The following PNLIPRP1 variants were observed in gnomAD, a reference collection of about 807,000 sequenced individuals.
PNLIPRP1 encodes the protein pancreatic lipase related protein 1, also known as inactive pancreatic lipase-related protein 1.
Under a neutral mutation model 54.6 loss-of-function variants are expected in PNLIPRP1, and 57 were observed. That is an observed-to-expected ratio of 1.04 (90% CI 0.84 to 1.30). The LOEUF is 1.30. Ranked by LOEUF, PNLIPRP1 falls within the 50% of genes most tolerant of loss-of-function variation. The pLI, the probability that PNLIPRP1 is intolerant of heterozygous loss-of-function variation, is 0.00. For missense variants in PNLIPRP1, 567 were observed against 568.5 expected, an observed-to-expected ratio of 1.00 and a Z score of 0.03; for synonymous variants, 232 against 208.8, an observed-to-expected ratio of 1.11 and a Z score of -0.96.
intron 3 of PNLIPRP1, 100 bp from the exon 4 acceptor site, chr10:116,592,316 C>T: frequency 7.2e-7 from 1 of 1,389,226 alleles, no homozygotes; most frequent in East Asian, 2.3e-5. Flanking sequence ...TTTTGCTAAG[C>T]TTTGAAAAGT....
intron 2 of PNLIPRP1, 150 bp from the exon 3 acceptor site, chr10:116,591,621 G>T: frequency 2.6e-6 from 2 of 770,716 alleles, no homozygotes; most frequent in South Asian, 1.7e-5. Flanking sequence ...GGGCACTGGG[G>T]TCAAGAAGAG....
Position 116,609,049 on chromosome 10 carries a change from C to G in PNLIPRP1, c.1341-4C>G. 2 of 1,608,882 alleles carry G rather than the reference C, an allele frequency of 1.2e-6. No individual in the cohort carries two copies. The highest frequency in any genetic ancestry group is 1.7e-6 in the Non-Finnish European group (2 of 1,175,150). ...ACTCTTACAAAGCTTCCTTTTCTCC[C>G]CAGGTACAACTTCTGTAGCGAAGAC... On this transcript the variant is annotated splice_region_variant and splice_polypyrimidine_tract_variant and intron_variant, in intron 12 of 12. Transcript: ENST00000358834.
At chr10:116,602,499 G>C (rs1418755534) in intron 10 of PNLIPRP1, among the ~76,000 whole-genome samples, 1 of 152,174 alleles carries the variant, frequency 6.6e-6, no homozygotes, top group Non-Finnish European at 1.5e-5. Flanking sequence ...AGGATGCAGG[G>C]ACGAACAAGA....
chr10:116,607,054 A>C (rs1847947472), intron 12 of PNLIPRP1, among the ~76,000 whole-genome samples: 1 of 125,486 alleles, frequency 8.0e-6, no homozygotes, highest in South Asian at 2.7e-4. Context: ...ATAATGAAGA[A>C]GCTAAAGAAA....
At chr10:116,599,339 C>T (rs548084236) in intron 8 of PNLIPRP1, among the ~76,000 whole-genome samples, 1 of 144,540 alleles carries the variant, frequency 6.9e-6, no homozygotes, top group Non-Finnish European at 1.5e-5. Context: ...TCTTTCACAG[C>T]CTCATGAGGG....
chr10:116,598,538 G>A (rs781925405), intron 8 of PNLIPRP1, among the ~76,000 whole-genome samples: 2 of 152,200 alleles, frequency 1.3e-5, no homozygotes, highest in Non-Finnish European at 2.9e-5. Context: ...TCTCTTGGGA[G>A]TCAGTGATAA....
At chr10:116,605,952 G>A (rs1280791336) in intron 12 of PNLIPRP1, among the ~76,000 whole-genome samples, 3 of 152,158 alleles carry the variant, frequency 2.0e-5, no homozygotes, top group Admixed American at 6.5e-5. Flanking sequence ...GGAAAAGATC[G>A]AAAATTTTAC....
intron 10 of PNLIPRP1, among the ~76,000 whole-genome samples, chr10:116,603,006 GTGTATATGTATTGTGTGTGCACA>G (rs1426695425): frequency 6.6e-6 from 1 of 152,034 alleles, no homozygotes; most frequent in African/African-American, 2.4e-5. Flanking sequence ...ATGCATGTTT[GTGTATATGTATTGTGTGTGCACA>G]TGCATATGTT....
chr10:116,591,196 T>A lies in PNLIPRP1; in HGVS notation c.49+18T>A. ...AGCCAAAGGTAAGAAACACCACTCC[T>A]GCCCCGTAGGAAGGGCTTAAACTTA... On this transcript the variant is annotated intron_variant, in intron 2 of 12. Transcript: ENST00000358834. 1 of 1,606,838 alleles carries A rather than the reference T, an allele frequency of 6.2e-7. No homozygotes were observed. Among genetic ancestry groups the A allele is most frequent in the South Asian group, 1.1e-5 (1 of 90,968 alleles).
At chr10:116,598,579 A>G (rs1160384162) in intron 8 of PNLIPRP1, among the ~76,000 whole-genome samples, 1 of 152,246 alleles carries the variant, frequency 6.6e-6, no homozygotes, top group Non-Finnish European at 1.5e-5. Context: ...GCTCCCTTTC[A>G]GTAGCTAGAA....
At position 116,592,411 on chromosome 10, in the gene PNLIPRP1, C is replaced by T. The variant is rs1589568592; in HGVS notation, c.205-5C>T. ...AAACATGAAGCACTTCTGCGTCTGT[C>T]ACAGATTCTCCTCCTCTCTGATCCA... On this transcript the variant is annotated splice_region_variant and splice_polypyrimidine_tract_variant and intron_variant, in intron 3 of 12. Coordinates refer to ENST00000358834, the MANE Select transcript of PNLIPRP1 (RefSeq NM_006229.4). 6.3e-7 allele frequency: 1 copy of T among 1,597,526 alleles called. No homozygotes were observed. Among genetic ancestry groups the T allele is most frequent in the South Asian group, 1.1e-5 (1 of 89,264 alleles).
chr10:116,591,323 T>TGTC, intron 2 of PNLIPRP1, 145 bp downstream of exon 2: 1 of 651,678 alleles, frequency 1.5e-6, no homozygotes, highest in Non-Finnish European at 2.6e-6. Flanking sequence ...CCTGGGAGAG[T>TGTC]AGGCTGGGCA....
At chr10:116,608,246 A>G (rs1309335823) in intron 12 of PNLIPRP1, among the ~76,000 whole-genome samples, 2 of 152,214 alleles carry the variant, frequency 1.3e-5, no homozygotes, top group Non-Finnish European at 2.9e-5. Context: ...AGGTTATTAA[A>G]AAATATGAGG....
In PNLIPRP1 at chr10:116,609,079, T is replaced by A. The variant is rs559099171; in HGVS notation, c.1367T>A (p.Val456Glu). The change falls in exon 13 of 13, where the codon GTG becomes GAG. Residue 456 changes from valine to glutamate, a missense_variant. Val to Glu is a moderately radical substitution (Grantham distance 121). Transcript: ENST00000358834. ...TVYNFCSEDT[V>E]REDTLLTLTP... is the part of the protein sequence containing the mutation. ...TACAACTTCTGTAGCGAAGACACAG[T>A]GCGGGAAGACACGCTGCTCACCCTC... 4 of 1,613,666 alleles carry A rather than the reference T, an allele frequency of 2.5e-6. No homozygotes were observed. The Middle Eastern group carries it at 4.9e-4, about 200-fold the overall frequency.
At chr10:116,605,316 C>A in intron 11 of PNLIPRP1, 70 bp from the exon 12 acceptor site, 1 of 782,310 alleles carries the variant, frequency 1.3e-6, no homozygotes, top group Non-Finnish European at 2.0e-6. Flanking sequence ...GAGAAAACAG[C>A]AGCCTGGCAT....
chr10:116,596,154 C>A, intron 5 of PNLIPRP1, 60 bp from the exon 6 acceptor site: 1 of 1,129,368 alleles, frequency 8.9e-7, no homozygotes, highest in Non-Finnish European at 1.3e-6. Context: ...ATCCATTAGG[C>A]TGGCATTTTA....
rs201391346 is a variant in PNLIPRP1, at chr10:116,598,165, G to A, written c.813G>A (p.Ala271=). 42 of 1,612,932 alleles carry A rather than the reference G, an allele frequency of 2.6e-5. No individual in the cohort carries two copies. The highest frequency in any genetic ancestry group is 4.5e-5 in the East Asian group (2 of 44,858). The change falls in exon 8 of 13, where the codon GCG becomes GCA. Residue 271 remains alanine, a splice_region_variant and synonymous_variant. Transcript: ENST00000358834. Reference sequence around the variant, plus strand: ...TCGTGGATCTAGATGGCATCTGGGCGGGTAAAGTCATGGTGGGGTGAGGGG... The same window carrying A: ...TCGTGGATCTAGATGGCATCTGGGCAGGTAAAGTCATGGTGGGGTGAGGGG... The part of the protein sequence containing the change: ...SQIVDLDGIW[A]GTRDFVACNH...
chr10:116,591,717 C>A, intron 2 of PNLIPRP1, 54 bp from the exon 3 acceptor site: 1 of 1,591,586 alleles, frequency 6.3e-7, no homozygotes, highest in Non-Finnish European at 8.6e-7. Flanking sequence ...GCAGTGACAC[C>A]CCAGAGCACA....
intron 10 of PNLIPRP1, among the ~76,000 whole-genome samples, chr10:116,602,707 T>G (rs1554864970): frequency 6.6e-6 from 1 of 152,214 alleles, no homozygotes; most frequent in African/African-American, 2.4e-5. Flanking sequence ...CTGTGTATAT[T>G]AATGTACATC....
Sources: allele counts gnomAD v4.1 joint callset (sites outside exome capture counted in the v4.1 genomes callset), GRCh38; gene constraint gnomAD v4.1.1; transcripts MANE v1.5; gene names NCBI Gene and HGNC (gene_info 2026-07-23, HGNC 2026-07-21).